SGK1: variants seen among roughly 807,000 people sequenced by gnomAD.
SGK1 encodes serum/glucocorticoid regulated kinase 1, also known as serine/threonine-protein kinase Sgk1.
Under a neutral mutation model 64.2 loss-of-function variants are expected in SGK1, and 26 were observed. The observed-to-expected ratio is 0.40, with a 90% CI of 0.30 to 0.56. The LOEUF (loss-of-function observed/expected upper bound fraction) is 0.56, where lower values mean the gene tolerates loss of function less well. SGK1 is among the 20% of genes least tolerant of loss of function. SGK1 has a pLI of 0.38. For missense variants in SGK1, 519 were observed against 645.6 expected (o/e 0.80, Z 2.12); for synonymous variants, 265 against 239.7 (o/e 1.11, Z -0.98).
intron 2 of SGK1, among the ~76,000 whole-genome samples, chr6:134,228,458 AAAG>A (rs1776222401): frequency 6.6e-6 from 1 of 152,242 alleles, no homozygotes; most frequent in South Asian, 2.1e-4. Context: ...AGAGAAGGCA[AAAG>A]AATATACTTC....
chr6:134,246,051 C>T (rs762364881), intron 2 of SGK1, among the ~76,000 whole-genome samples: 3 of 152,100 alleles, frequency 2.0e-5, no homozygotes, highest in African/African-American at 2.4e-5. Flanking sequence ...GTCCAATGAA[C>T]ACAAATGACC....
chr6:134,192,508 G>T (rs1335429527), intron 3 of SGK1, among the ~76,000 whole-genome samples: 1 of 152,054 alleles, frequency 6.6e-6, no homozygotes, highest in Non-Finnish European at 1.5e-5. Context: ...ATTCGCTGGG[G>T]ACCCTCTGCT....
intron 3 of SGK1, among the ~76,000 whole-genome samples, chr6:134,177,109 G>A (rs1582690556): frequency 6.6e-6 from 1 of 152,212 alleles, no homozygotes; most frequent in South Asian, 2.1e-4. Flanking sequence ...AGTTACTCGG[G>A]AGGCTGAGGC....
At chr6:134,204,802 C>T (rs1002717403) in intron 3 of SGK1, among the ~76,000 whole-genome samples, 1 of 152,180 alleles carries the variant, frequency 6.6e-6, no homozygotes, top group Non-Finnish European at 1.5e-5. Flanking sequence ...GATCCACCCA[C>T]CTTGGCCCCC....
intron 2 of SGK1, among the ~76,000 whole-genome samples, chr6:134,239,853 T>C (rs1776416570): frequency 6.6e-6 from 1 of 152,126 alleles, no homozygotes; most frequent in South Asian, 2.1e-4. Flanking sequence ...TGCAGGACTC[T>C]CAAGTAGATG....
At chr6:134,225,986 T>C (rs962762380) in intron 2 of SGK1, among the ~76,000 whole-genome samples, 3 of 151,834 alleles carry the variant, frequency 2.0e-5, no homozygotes, top group Admixed American at 1.3e-4. Flanking sequence ...CACATGCCTG[T>C]AGTCCCAATT....
intron 3 of SGK1, among the ~76,000 whole-genome samples, chr6:134,188,583 G>A (rs1046489182): frequency 2.6e-4 from 39 of 152,176 alleles, no homozygotes; most frequent in African/African-American, 9.4e-4. Flanking sequence ...ATAGCATGAG[G>A]GTATGACACA....
chr6:134,245,418 A>G (rs940871566), intron 2 of SGK1, among the ~76,000 whole-genome samples: 6 of 152,266 alleles, frequency 3.9e-5, no homozygotes, highest in African/African-American at 1.4e-4. Context: ...TTAGACAAAT[A>G]GCATCTTTAA....
chr6:134,267,835 A>C (rs1038463309), intron 1 of SGK1, among the ~76,000 whole-genome samples: 1 of 152,102 alleles, frequency 6.6e-6, no homozygotes, highest in Non-Finnish European at 1.5e-5. Context: ...ACAAAAATGA[A>C]TCCAGCAACA....
intron 2 of SGK1, among the ~76,000 whole-genome samples, chr6:134,253,415 T>A (rs1306166232): frequency 6.6e-6 from 1 of 151,708 alleles, no homozygotes; most frequent in African/African-American, 2.4e-5. Context: ...ATTACAGACA[T>A]GAGCCACCGC....
At chr6:134,219,836 G>A (rs1776054135) in intron 2 of SGK1, among the ~76,000 whole-genome samples, 1 of 148,186 alleles carries the variant, frequency 6.7e-6, no homozygotes, top group African/African-American at 2.5e-5. Context: ...GAGGCGGGCG[G>A]ATCACGAGGT....
At chr6:134,216,705 T>C (rs529344063) in intron 2 of SGK1, among the ~76,000 whole-genome samples, 5 of 152,186 alleles carry the variant, frequency 3.3e-5, no homozygotes, top group African/African-American at 7.2e-5. Flanking sequence ...ATGTGAAGTA[T>C]GCGGTAGAGC....
chr6:134,249,820 G>T (rs1431744677), intron 2 of SGK1, among the ~76,000 whole-genome samples: 1 of 152,148 alleles, frequency 6.6e-6, no homozygotes, highest in African/African-American at 2.4e-5. Context: ...TGTCAGATTT[G>T]CTTGTTTTAA....
chr6:134,170,390 C>G lies in SGK1; in HGVS notation c.1459G>C (p.Glu487Gln), dbSNP rs537795008. 1.2e-5 allele frequency: 20 copies of G among 1,613,976 alleles called. No homozygotes were observed. The East Asian group carries it at 4.2e-4, about 34-fold the overall frequency. Reference protein sequence around the residue: ...LRHFDPEFTEEPVPNSIGKSP... With the variant: ...LRHFDPEFTEQPVPNSIGKSP... ...TTGCCAATGGAGTTGGGGACAGGCT[C>G]TTCGGTAAACTCGGGGTCAAAGTGC... Residue 487 changes from glutamate to glutamine, a missense_variant, in exon 14 of 14, where the codon GAG becomes CAG. Physicochemically the swap from Glu to Gln is conservative, Grantham distance 29 (BLOSUM62 2). Around this residue, in one of 2 missense-constraint regions of SGK1, gnomAD observed 278 missense variants for 408.7 expected, o/e 0.68. Coordinates refer to ENST00000367858, the MANE Select transcript of SGK1 (RefSeq NM_001143676.3).
chr6:134,250,619 A>T (rs1051787273), intron 2 of SGK1, among the ~76,000 whole-genome samples: 3 of 152,228 alleles, frequency 2.0e-5, no homozygotes, highest in African/African-American at 7.2e-5. Flanking sequence ...CTATATGTGA[A>T]TAAGAAATAT....
intron 2 of SGK1, among the ~76,000 whole-genome samples, chr6:134,209,866 G>C (rs1311031144): frequency 6.6e-6 from 1 of 152,130 alleles, no homozygotes; most frequent in Non-Finnish European, 1.5e-5. Flanking sequence ...TAGTAGAGAT[G>C]GGGTTTTGCC....
At chr6:134,206,381 A>T (rs1249153487) in intron 3 of SGK1, among the ~76,000 whole-genome samples, 890 of 4,876 alleles carry the variant, frequency 0.18, 35 homozygotes, top group South Asian at 0.33. Flanking sequence ...ATATATATAT[A>T]TATTTTTTTT....
intron 2 of SGK1, among the ~76,000 whole-genome samples, chr6:134,213,654 T>TAATAAATAAAC (rs1775930487): frequency 6.7e-6 from 1 of 150,286 alleles, no homozygotes; most frequent in African/African-American, 2.4e-5. Flanking sequence ...AATAAATAAA[T>TAATAAATAAAC]AAAATGTCCT....
rs777715286 is a variant in SGK1 at position 134,174,514 on chromosome 6, T to C, written c.434A>G (p.Lys145Arg). ...CCTCAAATCCGGTCAAACTTACTGTTTGCATGCATAGGAGTTATTGGCAAT... is the reference window on the plus strand; with the variant it reads ...CCTCAAATCCGGTCAAACTTACTGTCTGCATGCATAGGAGTTATTGGCAAT... The part of the protein sequence containing the change: ...QKIANNSYAC[K>R]HPEVQSILKI... The change falls in exon 4 of 14, where the codon AAA becomes AGA. Residue 145 changes from lysine (K) to arginine (R), a missense_variant. Around this residue, in one of 2 missense-constraint regions of SGK1, gnomAD observed 241 missense variants for 236.9 expected, o/e 1.02. Transcript: ENST00000367858. 2 of 1,610,736 alleles carry C rather than the reference T, an allele frequency of 1.2e-6. No individual in the cohort carries two copies. Among genetic ancestry groups the C allele is most frequent in the Admixed American group, 3.3e-5 (2 of 60,006 alleles).
Sources: gnomAD v4.1 joint callset for allele counts (sites outside exome capture counted in the v4.1 genomes callset) on GRCh38, gnomAD v4.1.1 for gene constraint, gnomAD v4.1.1 regional missense constraint, MANE v1.5 for transcripts, NCBI Gene and HGNC (gene_info 2026-07-23, HGNC 2026-07-21) for gene names.